STYX: variants seen among roughly 807,000 people sequenced by gnomAD.
The protein encoded by STYX is serine/threonine/tyrosine-interacting protein.
In STYX, 20 loss-of-function variants were observed where a neutral mutation model predicts 42.7. The observed-to-expected ratio is 0.47, with a 90% confidence interval of 0.33 to 0.68. The LOEUF is 0.68. Ranked by LOEUF, STYX falls within the 30% of genes least tolerant of loss-of-function variation. The pLI is 0.02. For synonymous variants in STYX, 78 were observed against 81.9 expected, an observed-to-expected ratio of 0.95 and a Z score of 0.26; for missense variants, 226 against 268.5, an observed-to-expected ratio of 0.84 and a Z score of 1.11.
At chr14:52,731,172 C>G (rs760711801) in intron 1 of STYX, among the ~76,000 whole-genome samples, 2 of 152,120 alleles carry the variant, frequency 1.3e-5, no homozygotes, top group Non-Finnish European at 2.9e-5. Flanking sequence ...TCCCTGCCTG[C>G]TGTTTCTACT....
intron 8 of STYX, among the ~76,000 whole-genome samples, chr14:52,758,362 TA>T (rs1352189698): frequency 6.6e-6 from 1 of 152,144 alleles, no homozygotes; most frequent in Non-Finnish European, 1.5e-5. Flanking sequence ...TTTTAAAAGA[TA>T]GGGGGTGGTA....
chr14:52,734,841 C>T (rs1346591686), intron 1 of STYX, among the ~76,000 whole-genome samples: 2 of 152,150 alleles, frequency 1.3e-5, no homozygotes, highest in Non-Finnish European at 2.9e-5. Context: ...GCGGACGGAT[C>T]ACGAGGTCAG....
chr14:52,731,345 TAGTTGGGAAAAATAA>T (rs1312751334), intron 1 of STYX, among the ~76,000 whole-genome samples: 1 of 151,916 alleles, frequency 6.6e-6, no homozygotes, highest in Admixed American at 6.6e-5. Context: ...ACCTTTAAAG[TAGTTGGGAAAAATAA>T]AGCCCTATTT....
intron 2 of STYX, among the ~76,000 whole-genome samples, chr14:52,745,347 C>T (rs531221678): frequency 1.3e-5 from 2 of 152,200 alleles, no homozygotes; most frequent in Middle Eastern, 6.8e-3. Context: ...ACACTCCTGA[C>T]CTCAGGTGAT....
At chr14:52,751,351 T>A (rs1881603316) in intron 4 of STYX, among the ~76,000 whole-genome samples, 1 of 152,184 alleles carries the variant, frequency 6.6e-6, no homozygotes, top group African/African-American at 2.4e-5. Flanking sequence ...ATTTAGATTG[T>A]TTCTGGCCTT....
chr14:52,730,174 G>A lies in STYX; in HGVS notation c.-301G>A. 2.2e-6 allele frequency: 1 copy of A among 446,308 alleles called. No individual in the cohort carries two copies. The highest frequency in any genetic ancestry group is 4.0e-6 in the Non-Finnish European group (1 of 250,860). The allele number at this position is 446,308 out of a possible 1,614,324, so 27.6% of individuals were successfully genotyped here. ...GAAGGAGGCGGGGAGACGGTTGTCGGGCTGGTTCCTGTGCTGGATCCTGGG... is the reference window on the plus strand; with the variant it reads ...GAAGGAGGCGGGGAGACGGTTGTCGAGCTGGTTCCTGTGCTGGATCCTGGG... On this transcript the variant is annotated 5_prime_UTR_variant, in exon 1 of 11. Coordinates refer to ENST00000354586, the MANE Select transcript of STYX (RefSeq NM_145251.4).
intron 4 of STYX, among the ~76,000 whole-genome samples, chr14:52,755,538 C>T (rs1244870802): frequency 4.6e-5 from 7 of 152,128 alleles, no homozygotes; most frequent in African/African-American, 1.2e-4. Flanking sequence ...AATAACTTAG[C>T]TAATTGCCTA....
intron 9 of STYX, among the ~76,000 whole-genome samples, chr14:52,762,688 T>C (rs1278559767): frequency 2.0e-5 from 3 of 152,122 alleles, no homozygotes; most frequent in East Asian, 1.9e-4. Context: ...CAATTTAAAT[T>C]AGATTGGAGT....
chr14:52,767,557 C>G (rs1882355263), intron 9 of STYX, among the ~76,000 whole-genome samples: 1 of 151,986 alleles, frequency 6.6e-6, no homozygotes, highest in Non-Finnish European at 1.5e-5. Flanking sequence ...TATTGGTCAT[C>G]TTTGAACTGG....
At chr14:52,752,241 G>T (rs1881645667) in intron 4 of STYX, among the ~76,000 whole-genome samples, 1 of 152,040 alleles carries the variant, frequency 6.6e-6, no homozygotes. Context: ...GGCTGAGGAG[G>T]GTGGATCACG....
chr14:52,749,323 T>A (rs1881518984), intron 3 of STYX, among the ~76,000 whole-genome samples: 1 of 152,242 alleles, frequency 6.6e-6, no homozygotes, highest in African/African-American at 2.4e-5. Context: ...CATAAGAATT[T>A]GAGGTGATGC....
chr14:52,732,732 G>T (rs1302991113), intron 1 of STYX, among the ~76,000 whole-genome samples: 1 of 151,874 alleles, frequency 6.6e-6, no homozygotes, highest in Non-Finnish European at 1.5e-5. Context: ...ATGCAGTGGC[G>T]TGATCTCCGC....
rs181103658 is a variant in STYX at position 52,747,055 on chromosome 14, G to C, written c.144+576G>C. On this transcript the variant is annotated intron_variant, in intron 3 of 10. Transcript: ENST00000354586. ...TTGGATTAGGGATGCTCAATTATAA[G>C]TATAATGCAAATAGGCAAAACAAAC... Among the ~76,000 whole-genome samples, 11 of 152,282 alleles carry C rather than the reference G, an allele frequency of 7.2e-5. No individual in the cohort carries two copies. In the East Asian group the frequency reaches 1.9e-3, roughly 27 times the overall value.
chr14:52,742,173 A>G (rs985573804), intron 1 of STYX, among the ~76,000 whole-genome samples: 2 of 152,184 alleles, frequency 1.3e-5, no homozygotes, highest in African/African-American at 2.4e-5. Flanking sequence ...ACCCCACTCC[A>G]CCACTACCAA....
intron 5 of STYX, 61 bp downstream of exon 5, chr14:52,756,672 GTGCTT>G: frequency 4.7e-6 from 1 of 211,912 alleles, no homozygotes; most frequent in South Asian, 7.9e-5. Flanking sequence ...CTTCTTAGTT[GTGCTT>G]TTTTTTTTTT....
At chr14:52,765,062 A>C (rs886849840) in intron 9 of STYX, among the ~76,000 whole-genome samples, 9 of 152,220 alleles carry the variant, frequency 5.9e-5, no homozygotes, top group Non-Finnish European at 8.8e-5. Context: ...TAGTTCATGG[A>C]AACTATATTC....
At chr14:52,746,360 C>T in intron 2 of STYX, 66 bp from the exon 3 acceptor site, 1 of 1,244,234 alleles carries the variant, frequency 8.0e-7, no homozygotes, top group Non-Finnish European at 1.1e-6. Flanking sequence ...TAAGGTTTGT[C>T]TTATTTATAT....
intron 1 of STYX, among the ~76,000 whole-genome samples, chr14:52,735,761 A>C (rs143885248): frequency 2.6e-3 from 393 of 152,322 alleles, no homozygotes; most frequent in African/African-American, 8.7e-3. Context: ...GAATGCTTTT[A>C]ATGTTAATGT....
intron 9 of STYX, among the ~76,000 whole-genome samples, chr14:52,765,073 C>A (rs1353299162): frequency 6.6e-6 from 1 of 152,112 alleles, no homozygotes; most frequent in East Asian, 1.9e-4. Context: ...AACTATATTC[C>A]CATGGAAACT....
Sources: allele counts gnomAD v4.1 joint callset (sites outside exome capture counted in the v4.1 genomes callset), GRCh38; gene constraint gnomAD v4.1.1; transcripts MANE v1.5; gene names NCBI Gene and HGNC (gene_info 2026-07-23, HGNC 2026-07-21).